The following VAV3 variants were observed in gnomAD, a reference collection of about 807,000 sequenced individuals.
The protein encoded by VAV3 is vav guanine nucleotide exchange factor 3, also known as guanine nucleotide exchange factor VAV3.
In VAV3, 94 loss-of-function variants were observed where a neutral mutation model predicts 131.2. The observed-to-expected ratio is 0.72, with a 90% confidence interval of 0.61 to 0.85. VAV3 has a LOEUF of 0.85. Ranked by LOEUF, VAV3 falls within the 40% of genes least tolerant of loss-of-function variation. The probability of loss-of-function intolerance (pLI) is 0.00; values close to 1 mark genes in which losing one functional copy is unlikely to be tolerated. For missense variants in VAV3, 939 were observed against 1,002.7 expected (o/e 0.94, Z 0.86); for synonymous variants, 349 against 342.0 (o/e 1.02, Z -0.22).
At chr1:107,597,992 G>A (rs371573337) in intron 24 of VAV3, among the ~76,000 whole-genome samples, 21 of 152,206 alleles carry the variant, frequency 1.4e-4, no homozygotes, top group South Asian at 8.3e-4. Context: ...CATAGCTAGC[G>A]CCTTTATCCA....
intron 1 of VAV3, among the ~76,000 whole-genome samples, chr1:107,913,638 CTCTT>C (rs1248234412): frequency 6.6e-6 from 1 of 151,698 alleles, no homozygotes; most frequent in African/African-American, 2.4e-5. Context: ...AAAATAATCT[CTCTT>C]TCTCAAAATC....
chr1:107,785,174 T>C lies in VAV3; in HGVS notation c.322-5682A>G, dbSNP rs150719548. On this transcript the variant is annotated intron_variant, in intron 2 of 26. Transcript: ENST00000370056. Reference sequence around the variant, plus strand: ...CTTTGCTTCTCTAGCACATTAGTGCTGTTGATGTTATTTGTAATTAAAACA... The same window carrying C: ...CTTTGCTTCTCTAGCACATTAGTGCCGTTGATGTTATTTGTAATTAAAACA... Among the ~76,000 whole-genome samples the C allele has an allele frequency of 4.4e-3, 670 of 152,340 alleles. 5 individuals carry two copies. The highest frequency in any genetic ancestry group is 0.015 in the African/African-American group (642 of 41,566).
chr1:107,800,428 C>T (rs954128957), intron 2 of VAV3, among the ~76,000 whole-genome samples: 1 of 151,984 alleles, frequency 6.6e-6, no homozygotes, highest in South Asian at 2.1e-4. Flanking sequence ...TTTTAATTTG[C>T]TTTTCTGTGA....
intron 15 of VAV3, among the ~76,000 whole-genome samples, chr1:107,736,778 C>T (rs1412131773): frequency 1.3e-5 from 2 of 152,018 alleles, no homozygotes; most frequent in African/African-American, 4.8e-5. Context: ...GGCCATACTG[C>T]CCAAGGTAAT....
chr1:107,646,642 C>T (rs1655757777), intron 19 of VAV3, among the ~76,000 whole-genome samples: 1 of 152,014 alleles, frequency 6.6e-6, no homozygotes, highest in Non-Finnish European at 1.5e-5. Flanking sequence ...TAACTATGCC[C>T]TTAATATATA....
intron 2 of VAV3, among the ~76,000 whole-genome samples, chr1:107,816,883 T>C (rs4915076): frequency 0.094 from 14,247 of 152,230 alleles, 852 homozygotes; most frequent in East Asian, 0.26. Flanking sequence ...TTCATCATTT[T>C]ATATATTAAT....
rs116906103 is a variant in VAV3, at chr1:107,751,476, C to T, written c.1174-274G>A. ...TTAGCTATGAAAAGAAAGACTCAAC[C>T]GGAAGGGTCCAAATTACGAGACGGT... On this transcript the variant is annotated intron_variant, in intron 12 of 26. Coordinates refer to ENST00000370056, the MANE Select transcript of VAV3 (RefSeq NM_006113.5). Among the ~76,000 whole-genome samples the T allele has an allele frequency of 2.4e-3, 362 of 152,130 alleles. 1 individual carries two copies. Among genetic ancestry groups the T allele is most frequent in the East Asian group, 0.011 (57 of 5,166 alleles).
intron 19 of VAV3, among the ~76,000 whole-genome samples, chr1:107,667,527 A>G (rs768834727): frequency 3.3e-5 from 5 of 152,190 alleles, no homozygotes; most frequent in Non-Finnish European, 5.9e-5. Context: ...AATGTAAATG[A>G]ATTTATGATA....
Position 107,753,652 on chromosome 1 carries a change from T to G in VAV3, c.1173+1775A>C, listed in dbSNP as rs1369285414. ...TCGGTTCACTGCAGCCTCCGCCTCC[T>G]GGGTTCAAGCAATTCTCCTGCCTCA... On this transcript the variant is annotated intron_variant, in intron 12 of 26. Coordinates refer to ENST00000370056, the MANE Select transcript of VAV3 (RefSeq NM_006113.5). Among the ~76,000 whole-genome samples, 6 of 150,870 alleles carry G rather than the reference T, an allele frequency of 4.0e-5. No individual in the cohort carries two copies. The East Asian group carries it at 1.2e-3, about 30-fold the overall frequency.
chr1:107,706,705 C>G (rs937251075), intron 15 of VAV3, among the ~76,000 whole-genome samples: 9 of 152,112 alleles, frequency 5.9e-5, no homozygotes, highest in African/African-American at 2.2e-4. Flanking sequence ...AACCTGTTTC[C>G]TTAGTCAGGA....
chr1:107,920,456 T>C (rs1485758420), intron 1 of VAV3, among the ~76,000 whole-genome samples: 1 of 152,142 alleles, frequency 6.6e-6, no homozygotes, highest in East Asian at 1.9e-4. Context: ...GTCCACCAAA[T>C]ATTGCCTTGG....
intron 15 of VAV3, among the ~76,000 whole-genome samples, chr1:107,735,423 G>A (rs966117389): frequency 6.6e-6 from 1 of 152,106 alleles, no homozygotes; most frequent in Admixed American, 6.5e-5. Context: ...CCAAGAGCTG[G>A]TTTTCTGAAA....
rs541796382 is a variant in VAV3 at position 107,928,715 on chromosome 1, G to GA, written c.204+35950dup. On this transcript the variant is annotated intron_variant, in intron 1 of 26. Transcript: ENST00000370056. ...AAATACACAGTCAGAGGAGGCAAAAGAAAAAAAAGAATAAACAACAATGAA... is the reference window on the plus strand; with the variant it reads ...AAATACACAGTCAGAGGAGGCAAAAGAAAAAAAAAGAATAAACAACAATGAA... Among the ~76,000 whole-genome samples, 7 of 151,242 alleles carry GA rather than the reference G, an allele frequency of 4.6e-5. No homozygotes were observed. The East Asian group carries it at 9.7e-4, about 21-fold the overall frequency.
chr1:107,766,245 CCTTCTT>C (rs773503301), intron 8 of VAV3, among the ~76,000 whole-genome samples, 196 bp downstream of exon 8: 1 of 152,128 alleles, frequency 6.6e-6, no homozygotes, highest in Admixed American at 6.5e-5. Context: ...TCCCCCTCCT[CCTTCTT>C]CTTCTTCTTT....
chr1:107,615,995 G>T (rs993399797), intron 21 of VAV3, among the ~76,000 whole-genome samples: 30 of 152,162 alleles, frequency 2.0e-4, no homozygotes, highest in African/African-American at 7.2e-4. Context: ...CTTATACACT[G>T]CTGGTGGGAA....
intron 1 of VAV3, among the ~76,000 whole-genome samples, chr1:107,911,699 G>T (rs1268277079): frequency 6.6e-6 from 1 of 152,186 alleles, no homozygotes; most frequent in Non-Finnish European, 1.5e-5. Context: ...TCTGCCAGGG[G>T]AGAATTAACT....
intron 1 of VAV3, among the ~76,000 whole-genome samples, chr1:107,879,017 T>G (rs750981547): frequency 3.3e-5 from 5 of 152,154 alleles, no homozygotes; most frequent in Non-Finnish European, 5.9e-5. Context: ...TTTGTAATAA[T>G]CAATTGCCAT....
chr1:107,783,543 CT>C (rs1221721965), intron 2 of VAV3, among the ~76,000 whole-genome samples: 1 of 152,112 alleles, frequency 6.6e-6, no homozygotes, highest in Non-Finnish European at 1.5e-5. Flanking sequence ...CCAGAAAAGC[CT>C]CCAGGATGCT....
intron 1 of VAV3, among the ~76,000 whole-genome samples, chr1:107,929,474 A>G (rs1408278623): frequency 3.3e-5 from 5 of 152,126 alleles, no homozygotes; most frequent in African/African-American, 1.2e-4. Context: ...ATGAGAAATA[A>G]GAAATCATCT....
Sources: allele counts gnomAD v4.1 joint callset (sites outside exome capture counted in the v4.1 genomes callset), GRCh38; gene constraint gnomAD v4.1.1; transcripts MANE v1.5; gene names NCBI Gene and HGNC (gene_info 2026-07-23, HGNC 2026-07-21).